The following FGGY variants were observed in gnomAD, a reference collection of about 807,000 sequenced individuals.
The protein encoded by FGGY is FGGY carbohydrate kinase domain containing, also known as FGGY carbohydrate kinase domain-containing protein.
FGGY carries 72 observed loss-of-function variants against 71.3 expected under a neutral mutation model. The observed-to-expected ratio is 1.01, with a 90% confidence interval of 0.84 to 1.23. FGGY has a LOEUF of 1.23. FGGY is among the 50% of genes most tolerant of loss of function. The probability of loss-of-function intolerance (pLI) is 0.00; values close to 1 mark genes in which losing one functional copy is unlikely to be tolerated. For missense variants in FGGY, 668 were observed against 682.3 expected (o/e 0.98, Z 0.23); for synonymous variants, 251 against 250.3 (o/e 1.00, Z -0.02).
intron 6 of FGGY, among the ~76,000 whole-genome samples, chr1:59,504,663 T>C (rs2094332219): frequency 6.6e-6 from 1 of 152,182 alleles, no homozygotes; most frequent in Non-Finnish European, 1.5e-5. Flanking sequence ...AGCCTTGAGA[T>C]ACTCCATTTT....
intron 1 of FGGY, among the ~76,000 whole-genome samples, chr1:59,300,832 CTCT>C (rs2042643979): frequency 1.3e-5 from 2 of 152,074 alleles, no homozygotes; most frequent in Non-Finnish European, 2.9e-5. Flanking sequence ...TTCAGTTGAT[CTCT>C]TGTCTATTTT....
chr1:59,333,810 G>A (rs1274123134), intron 2 of FGGY, among the ~76,000 whole-genome samples: 1 of 152,174 alleles, frequency 6.6e-6, no homozygotes, highest in African/African-American at 2.4e-5. Flanking sequence ...TCAGGAAATG[G>A]GTTTGGTCCT....
At chr1:59,758,882 T>C (rs886904596) in intron 15 of FGGY, among the ~76,000 whole-genome samples, 3 of 152,108 alleles carry the variant, frequency 2.0e-5, no homozygotes, top group African/African-American at 7.2e-5. Flanking sequence ...TCCAACCTCA[T>C]CCTATAGGCA....
At chr1:59,621,981 A>C (rs934742872) in intron 9 of FGGY, among the ~76,000 whole-genome samples, 3 of 151,498 alleles carry the variant, frequency 2.0e-5, no homozygotes, top group African/African-American at 7.3e-5. Context: ...TCAGGGTGTT[A>C]ATTTTTTCAA....
chr1:59,596,076 C>G (rs899751729), intron 8 of FGGY, among the ~76,000 whole-genome samples: 2 of 152,176 alleles, frequency 1.3e-5, no homozygotes, highest in Non-Finnish European at 2.9e-5. Flanking sequence ...TAAGCCCTCC[C>G]GGATCCACTT....
intron 6 of FGGY, 149 bp downstream of exon 6, chr1:59,457,225 T>C: frequency 1.6e-6 from 1 of 623,300 alleles, no homozygotes; most frequent in South Asian, 1.9e-5. Context: ...GAGTTAATTA[T>C]GATGGGTAGG....
rs576026363 is a variant in FGGY at position 59,487,903 on chromosome 1, T to G, written c.671-24408T>G. Among the ~76,000 whole-genome samples the G allele has an allele frequency of 2.3e-3, 357 of 152,092 alleles. 1 individual carries two copies. The highest frequency in any genetic ancestry group is 8.2e-3 in the African/African-American group (342 of 41,498). ...CTTTGTTTTAATTTTTTCTTTTATC[T>G]TCAAAAGCATCTAAAAGTAAAAACA... On this transcript the variant is annotated intron_variant, in intron 6 of 15. Transcript: ENST00000303721.
chr1:59,740,149 C>A (rs12032528), intron 14 of FGGY, among the ~76,000 whole-genome samples: 49,203 of 152,072 alleles, frequency 0.32, 8,461 homozygotes, highest in South Asian at 0.44. Context: ...GTACTTGTTT[C>A]TTTACCTAAA....
chr1:59,729,985 C>G (rs1183537729), intron 14 of FGGY, among the ~76,000 whole-genome samples: 1 of 152,192 alleles, frequency 6.6e-6, no homozygotes, highest in African/African-American at 2.4e-5. Flanking sequence ...TTCCCTCCCC[C>G]TGCCAGAGCC....
intron 14 of FGGY, among the ~76,000 whole-genome samples, chr1:59,728,611 T>C (rs2097981069): frequency 6.6e-6 from 1 of 152,182 alleles, no homozygotes; most frequent in African/African-American, 2.4e-5. Flanking sequence ...TTTGAGAATA[T>C]CTTTCTTTCT....
intron 5 of FGGY, among the ~76,000 whole-genome samples, chr1:59,400,583 A>G (rs939628231): frequency 7.0e-6 from 1 of 143,452 alleles, no homozygotes; most frequent in Non-Finnish European, 1.5e-5. Flanking sequence ...TGTTAAGTTT[A>G]TATCAGGATG....
chr1:59,611,811 G>C lies in FGGY; in HGVS notation c.1011+3901G>C, dbSNP rs556842167. Among the ~76,000 whole-genome samples the C allele has an allele frequency of 3.9e-5, 6 of 152,338 alleles. No homozygotes were observed. In the South Asian group the frequency reaches 1.2e-3, roughly 32 times the overall value. On this transcript the variant is annotated intron_variant, in intron 9 of 15. Coordinates refer to ENST00000303721, the MANE Select transcript of FGGY (RefSeq NM_018291.5). ...CTGCAGATAAGTCCTTAAAGGACCT[G>C]ATGGAGCTGAAAACCATGGCACGAG...
chr1:59,695,410 C>T (rs2097648584), intron 14 of FGGY, among the ~76,000 whole-genome samples: 1 of 152,194 alleles, frequency 6.6e-6, no homozygotes, highest in Non-Finnish European at 1.5e-5. Flanking sequence ...CACATAGGAG[C>T]TTGCAACACA....
At chr1:59,496,555 T>C (rs2094038079) in intron 6 of FGGY, among the ~76,000 whole-genome samples, 1 of 151,896 alleles carries the variant, frequency 6.6e-6, no homozygotes, top group Non-Finnish European at 1.5e-5. Flanking sequence ...AGGGTGAGGA[T>C]CGAAAAACTA....
At chr1:59,546,538 T>G (rs12024164) in intron 7 of FGGY, among the ~76,000 whole-genome samples, 13,432 of 130,828 alleles carry the variant, frequency 0.1, 727 homozygotes, top group Middle Eastern at 0.14. Flanking sequence ...TGATGATGAT[T>G]ATTATTATTA....
At chr1:59,680,418 T>C (rs1362358202) in intron 14 of FGGY, among the ~76,000 whole-genome samples, 1 of 150,374 alleles carries the variant, frequency 6.7e-6, no homozygotes, top group Non-Finnish European at 1.5e-5. Context: ...ACATTCATTA[T>C]TCTTATTGCC....
At chr1:59,625,478 T>A (rs1447607320) in intron 9 of FGGY, among the ~76,000 whole-genome samples, 1 of 152,114 alleles carries the variant, frequency 6.6e-6, no homozygotes, top group African/African-American at 2.4e-5. Flanking sequence ...ACTGAGAGTT[T>A]CAAAAAATTT....
intron 1 of FGGY, among the ~76,000 whole-genome samples, chr1:59,312,358 A>G (rs1041480387): frequency 2.0e-5 from 3 of 152,204 alleles, no homozygotes; most frequent in Admixed American, 2.0e-4. Flanking sequence ...GACTATCAAC[A>G]GGATATTGAC....
Position 59,557,134 on chromosome 1 carries a change from G to C in FGGY, c.903+2907G>C, listed in dbSNP as rs116225557. Among the ~76,000 whole-genome samples, 485 of 152,254 alleles carry C rather than the reference G, an allele frequency of 3.2e-3. 2 individuals are homozygous for C. The highest frequency in any genetic ancestry group is 0.011 in the African/African-American group (460 of 41,546). On this transcript the variant is annotated intron_variant, in intron 8 of 15. Coordinates refer to ENST00000303721, the MANE Select transcript of FGGY (RefSeq NM_018291.5). Reference sequence around the variant, plus strand: ...TTTGTGAGGTCTAGGAGAGGTGCAGGTCTGAGGAAACACTCCCAGGGAGAC... The same window carrying C: ...TTTGTGAGGTCTAGGAGAGGTGCAGCTCTGAGGAAACACTCCCAGGGAGAC...
Sources: gnomAD v4.1 joint callset for allele counts (sites outside exome capture counted in the v4.1 genomes callset) on GRCh38, gnomAD v4.1.1 for gene constraint, MANE v1.5 for transcripts, NCBI Gene and HGNC (gene_info 2026-07-23, HGNC 2026-07-21) for gene names.